Variants in LARP4B observed in about 807,000 individuals in gnomAD.
LARP4B encodes the protein La ribonucleoprotein 4B, also known as la-related protein 4B.
In LARP4B, 12 loss-of-function variants were observed where a neutral mutation model predicts 89.8. That is an observed-to-expected ratio of 0.13 (90% confidence interval 0.09 to 0.22). The LOEUF is 0.22. LARP4B is among the 10% of genes least tolerant of loss of function. LARP4B has a pLI of 1.00. For synonymous variants in LARP4B, 367 were observed against 363.3 expected, an observed-to-expected ratio of 1.01 and a Z score of -0.12; for missense variants, 757 against 947.7, an observed-to-expected ratio of 0.80 and a Z score of 2.64.
At chr10:828,402 G>C (rs1832731497) in intron 11 of LARP4B, among the ~76,000 whole-genome samples, 1 of 152,172 alleles carries the variant, frequency 6.6e-6, no homozygotes, top group Non-Finnish European at 1.5e-5. Context: ...TTTCCAGCCT[G>C]AGTTGTTTCA....
the LARP4B span, among the ~76,000 whole-genome samples, chr10:980,158 A>G: frequency 2.6e-5 from 4 of 152,324 alleles, no homozygotes; most frequent in South Asian, 8.3e-4. Context: ...ACACGGCTGC[A>G]AGGGTGGTCT....
At chr10:942,938 C>T in the LARP4B span, among the ~76,000 whole-genome samples, 2 of 150,646 alleles carry the variant, frequency 1.3e-5, no homozygotes, top group Non-Finnish European at 3.0e-5. Context: ...ACAGTCCAAG[C>T]TGACTTCTTT....
chr10:850,630 C>A lies in LARP4B; in HGVS notation c.431-5575G>T, dbSNP rs570800406. On this transcript the variant is annotated intron_variant, in intron 5 of 17. Coordinates refer to ENST00000316157, the MANE Select transcript of LARP4B (RefSeq NM_015155.3). ...ACCACTCAACTTGACCTCATTAACA[C>A]TGACAAAATATTCCCCATAGCAACA... 3.3e-5 allele frequency among the ~76,000 whole-genome samples: 5 copies of A among 152,328 alleles called. No individual in the cohort carries two copies. The South Asian group carries it at 8.3e-4, about 25-fold the overall frequency.
Position 814,910 on chromosome 10 carries a change from T to C in LARP4B, c.1820+36A>G, listed in dbSNP as rs368425496. 1,081 of 1,577,462 alleles carry C rather than the reference T, an allele frequency of 6.9e-4. No homozygotes were observed. Among genetic ancestry groups the C allele is most frequent in the Non-Finnish European group, 9.0e-4 (1,044 of 1,157,024 alleles). ...CAACATCACAGGCCATTCAAGTCAG[T>C]CAACACCAAGGCGCTGGAAGAACAC... On this transcript the variant is annotated intron_variant, in intron 16 of 17. Transcript: ENST00000316157. The surrounding 1 kb of genome is among the most constrained non-coding windows in gnomAD (Gnocchi z 4.4).
upstream of LARP4B, among the ~76,000 whole-genome samples, chr10:932,834 A>C (rs1589003392): frequency 1.8e-4 from 15 of 85,366 alleles, no homozygotes; most frequent in South Asian, 4.1e-4. Flanking sequence ...ACCCCTAACC[A>C]AGGCCTCGGC....
the LARP4B span, among the ~76,000 whole-genome samples, chr10:954,109 C>T: frequency 4.6e-5 from 7 of 152,326 alleles, no homozygotes; most frequent in East Asian, 7.7e-4. This position sits in a 1 kb window ranked among gnomAD's most constrained non-coding sequence, Gnocchi z 5.0. Flanking sequence ...CTAGGAAGTC[C>T]GAGGCACGCA....
At chr10:914,012 T>G (rs1836748703) in intron 1 of LARP4B, among the ~76,000 whole-genome samples, 1 of 152,192 alleles carries the variant, frequency 6.6e-6, no homozygotes, top group Admixed American at 6.5e-5. Flanking sequence ...AATTTAATCT[T>G]AAAGCCATGT....
At chr10:912,043 G>T (rs969617451) in intron 1 of LARP4B, among the ~76,000 whole-genome samples, 1 of 152,186 alleles carries the variant, frequency 6.6e-6, no homozygotes, top group Non-Finnish European at 1.5e-5. Flanking sequence ...GGCTGACTGG[G>T]CCACTCACCA....
chr10:945,229 C>A, the LARP4B span, among the ~76,000 whole-genome samples: 1 of 151,256 alleles, frequency 6.6e-6, no homozygotes, highest in Non-Finnish European at 1.5e-5. Context: ...ACTAAAAATA[C>A]AAAAATTAGC....
chr10:807,103 G>A (rs1338783598), downstream of LARP4B: 2 of 152,204 alleles, frequency 1.3e-5, no homozygotes, highest in East Asian at 1.9e-4. Flanking sequence ...AGAAAGAGCT[G>A]GAATGCCTTT....
the LARP4B span, among the ~76,000 whole-genome samples, chr10:956,867 G>A: frequency 3.9e-5 from 6 of 152,280 alleles, no homozygotes; most frequent in African/African-American, 1.4e-4. This position sits in a 1 kb window ranked among gnomAD's most constrained non-coding sequence, Gnocchi z 4.3. Context: ...TAAAGACACT[G>A]CAGGAGCTCT....
the LARP4B span, among the ~76,000 whole-genome samples, chr10:963,382 GT>G: frequency 5.9e-5 from 9 of 152,292 alleles, no homozygotes; most frequent in African/African-American, 2.2e-4. Flanking sequence ...TCCTTGACAT[GT>G]GCTCTGAGGA....
At chr10:945,590 G>A in the LARP4B span, among the ~76,000 whole-genome samples, 77 of 151,714 alleles carry the variant, frequency 5.1e-4, 1 homozygote, top group East Asian at 4.9e-3. Flanking sequence ...CGGGAGGCTG[G>A]GGCAGGAGAA....
chr10:881,111 C>T (rs987871835), intron 3 of LARP4B, among the ~76,000 whole-genome samples: 5 of 152,104 alleles, frequency 3.3e-5, no homozygotes, highest in Non-Finnish European at 5.9e-5. Flanking sequence ...AAGTTTGTGG[C>T]GCTAACAGGG....
intron 8 of LARP4B, among the ~76,000 whole-genome samples, chr10:835,828 G>A (rs374887382): frequency 2.0e-5 from 3 of 152,044 alleles, no homozygotes; most frequent in African/African-American, 7.2e-5. Context: ...AGCTACTCGG[G>A]AGGCTGAGGC....
At position 911,342 on chromosome 10, in the gene LARP4B, G is replaced by GT. The variant is rs772195178; in HGVS notation, c.-40+20085dup. 8.6e-5 allele frequency among the ~76,000 whole-genome samples: 13 copies of GT among 151,584 alleles called. No homozygotes were observed. The East Asian group carries it at 2.1e-3, about 25-fold the overall frequency. ...ATAAAAAGCTGATACTTTGGCTATT[G>GT]TTTTTTTGGAAGGAAAAAAAAAGCC... is the stretch of plus-strand genomic sequence containing the variant. On this transcript the variant is annotated intron_variant, in intron 1 of 17. Coordinates refer to ENST00000316157, the MANE Select transcript of LARP4B (RefSeq NM_015155.3).
At chr10:921,059 A>G (rs923943049) in intron 1 of LARP4B, among the ~76,000 whole-genome samples, 3 of 152,156 alleles carry the variant, frequency 2.0e-5, no homozygotes, top group African/African-American at 7.2e-5. Flanking sequence ...GGATCACCTG[A>G]GGTGGGGAGT....
At position 812,879 on chromosome 10, in the gene LARP4B, T is replaced by A; in HGVS notation, c.*47A>T. 1 of 1,482,300 alleles carries A rather than the reference T, an allele frequency of 6.7e-7. No homozygotes were observed. Among genetic ancestry groups the A allele is most frequent in the South Asian group, 1.4e-5 (1 of 70,826 alleles). 91.8% of individuals were successfully genotyped at this position (1,482,300 alleles called of 1,614,324 possible). ...TCGCACTGAGTGGGAGAGTGTCTCG[T>A]TTGTGGTTAACACAGCGCTCTGCGA... On this transcript the variant is annotated 3_prime_UTR_variant, in exon 18 of 18. Transcript: ENST00000316157.
At chr10:954,163 C>T in the LARP4B span, among the ~76,000 whole-genome samples, 3 of 152,144 alleles carry the variant, frequency 2.0e-5, no homozygotes, top group Non-Finnish European at 4.4e-5. The surrounding 1 kb of genome is among the most constrained non-coding windows in gnomAD (Gnocchi z 5.0). Context: ...TTAGTTTTTG[C>T]GCCATCTGCT....
Sources: gnomAD v4.1 joint callset for allele counts (sites outside exome capture counted in the v4.1 genomes callset) on GRCh38, gnomAD v4.1.1 for gene constraint, Gnocchi (gnomAD v3.1) non-coding constraint, MANE v1.5 for transcripts, NCBI Gene and HGNC (gene_info 2026-07-23, HGNC 2026-07-21) for gene names.